UBAP2L: variants seen among roughly 807,000 people sequenced by gnomAD.
UBAP2L encodes ubiquitin associated protein 2 like.
Under a neutral mutation model 130.6 loss-of-function variants are expected in UBAP2L, and 12 were observed. That is an observed-to-expected ratio of 0.09 (90% confidence interval 0.06 to 0.15). The LOEUF (loss-of-function observed/expected upper bound fraction) is 0.15. UBAP2L is among the 10% of genes least tolerant of loss of function. The pLI is 1.00. For synonymous variants in UBAP2L, 503 were observed against 524.7 expected, an observed-to-expected ratio of 0.96 and a Z score of 0.57; for missense variants, 965 against 1,332.5, an observed-to-expected ratio of 0.72 and a Z score of 4.29.
At chr1:154,258,937 T>C (rs1472196619) in intron 20 of UBAP2L, 40 bp from the exon 21 acceptor site, 1 of 1,580,546 alleles carries the variant, frequency 6.3e-7, no homozygotes, top group South Asian at 1.1e-5. Context: ...GCTAACATCA[T>C]GACCAGTTCC....
chr1:154,238,572 G>A (rs1049712310), intron 8 of UBAP2L, among the ~76,000 whole-genome samples: 2 of 152,048 alleles, frequency 1.3e-5, no homozygotes, highest in Non-Finnish European at 2.9e-5. Context: ...GAAAAACAGC[G>A]AAAGGTAGTG....
chr1:154,244,027 G>A (rs1405808230), intron 10 of UBAP2L, among the ~76,000 whole-genome samples: 3 of 152,142 alleles, frequency 2.0e-5, no homozygotes, highest in African/African-American at 7.2e-5. Context: ...TATAACAGTT[G>A]TTTTTTTCCT....
At position 154,253,888 on chromosome 1, in the gene UBAP2L, C is replaced by T. The variant is rs367693930; in HGVS notation, c.1665-12C>T. 67 of 1,612,864 alleles carry T rather than the reference C, an allele frequency of 4.2e-5. No homozygotes were observed. The highest frequency in any genetic ancestry group is 5.3e-5 in the Non-Finnish European group (63 of 1,179,758). On this transcript the variant is annotated splice_polypyrimidine_tract_variant and intron_variant, in intron 14 of 26. Coordinates refer to ENST00000428931, the MANE Select transcript of UBAP2L (RefSeq NM_014847.4). ...TTTGTTTCTCTGAGATTTTTCTCTT[C>T]GTTACTCACAGTGAATCATCCTCTA...
rs774537798 is a variant in UBAP2L, at chr1:154,261,693, C to T, written c.2898C>T (p.Asn966=). The change falls in exon 24 of 27, where the codon AAC becomes AAT. Residue 966 remains asparagine, a synonymous_variant. Transcript: ENST00000428931. ...GTGGATATGGGTCTCATGGATACAA[C>T]ACTGGTAAGCTGACCTTGTCTCTGG... ...QPSGYGSHGY[N]TGVSVTSSNT... 6.2e-7 allele frequency: 1 copy of T among 1,614,034 alleles called. No homozygotes were observed. Among genetic ancestry groups the T allele is most frequent in the Non-Finnish European group, 8.5e-7 (1 of 1,179,944 alleles).
At chr1:154,245,075 G>A (rs1170002197) in intron 10 of UBAP2L, among the ~76,000 whole-genome samples, 1 of 152,140 alleles carries the variant, frequency 6.6e-6, no homozygotes, top group African/African-American at 2.4e-5. Context: ...GGTATAGTAG[G>A]CACCCGCCAC....
At chr1:154,241,911 A>G (rs1673728376) in intron 9 of UBAP2L, 2 of 273,628 alleles carry the variant, frequency 7.3e-6, no homozygotes, top group African/African-American at 2.3e-5. Context: ...CTGGTGGTAC[A>G]TGACTACTTG....
chr1:154,255,633 T>C (rs1679368184), intron 17 of UBAP2L, 50 bp from the exon 18 acceptor site: 1 of 1,585,252 alleles, frequency 6.3e-7, no homozygotes, highest in African/African-American at 1.3e-5. Context: ...AAGCTCCAGG[T>C]CACGTAACTA....
chr1:154,260,838 C>G, intron 22 of UBAP2L, 54 bp from the exon 23 acceptor site: 1 of 1,534,932 alleles, frequency 6.5e-7, no homozygotes, highest in South Asian at 1.1e-5. Flanking sequence ...AGAGGTAATT[C>G]TGTATTGGTA....
At chr1:154,261,218 T>G in intron 23 of UBAP2L, 109 bp downstream of exon 23, 1 of 1,267,678 alleles carries the variant, frequency 7.9e-7, no homozygotes, top group Non-Finnish European at 1.1e-6. Context: ...GGAGGAACAG[T>G]TTCCACCTCT....
chr1:154,264,533 C>T (rs1682635512), intron 24 of UBAP2L, among the ~76,000 whole-genome samples: 1 of 152,184 alleles, frequency 6.6e-6, no homozygotes, highest in Non-Finnish European at 1.5e-5. Flanking sequence ...ATTATGGTTC[C>T]TGCATTCTCA....
In UBAP2L at chr1:154,227,552, T is replaced by TG. The variant is rs1446619965; in HGVS notation, c.168+193_168+194insG. Among the ~76,000 whole-genome samples, 5 of 152,028 alleles carry TG rather than the reference T, an allele frequency of 3.3e-5. No homozygotes were observed. In the East Asian group the frequency reaches 7.8e-4, roughly 24 times the overall value. ...TTTTTTGTAGCCCTTTGTTTTGTTT[T>TG]TTGTTTTTTTTTCAGATGAAGTCTC... On this transcript the variant is annotated intron_variant, in intron 3 of 26. Transcript: ENST00000428931.
chr1:154,220,659 C>A, upstream of UBAP2L: 1 of 562,566 alleles, frequency 1.8e-6, no homozygotes, highest in Non-Finnish European at 3.2e-6. Context: ...GCGTCGAGCG[C>A]TCAGACGCGG....
intron 15 of UBAP2L, 69 bp downstream of exon 15, chr1:154,254,158 GT>G: frequency 7.3e-7 from 1 of 1,366,028 alleles, no homozygotes; most frequent in Non-Finnish European, 9.7e-7. Context: ...AAATATTAGT[GT>G]TTTACTTTTC....
At chr1:154,245,452 G>GA (rs905614424) in intron 10 of UBAP2L, among the ~76,000 whole-genome samples, 1 of 152,100 alleles carries the variant, frequency 6.6e-6, no homozygotes, top group African/African-American at 2.4e-5. Context: ...AAAATTGTGG[G>GA]AAAAAATATC....
At chr1:154,220,209 T>G, upstream of UBAP2L, 1 of 1,124,502 alleles carries the variant, frequency 8.9e-7, no homozygotes, top group Non-Finnish European at 1.3e-6. Flanking sequence ...TCCCACCTAC[T>G]CCTGGAATAA....
intron 6 of UBAP2L, 58 bp downstream of exon 6, chr1:154,235,349 G>A (rs1418818536): frequency 2.9e-6 from 2 of 697,370 alleles, no homozygotes; most frequent in South Asian, 1.6e-5. Context: ...TTCATTAATG[G>A]TCTGCTTTAT....
chr1:154,255,651 A>G (rs1679377822), intron 17 of UBAP2L, 32 bp from the exon 18 acceptor site: 2 of 1,611,068 alleles, frequency 1.2e-6, no homozygotes, highest in Middle Eastern at 1.6e-4. Flanking sequence ...CTATAGCACT[A>G]TGGCTGATGG....
chr1:154,251,608 C>T lies in UBAP2L; in HGVS notation c.1619C>T (p.Ala540Val). Residue 540 changes from alanine (A) to valine (V), a missense_variant, in exon 14 of 27, where the codon GCC (alanine) becomes GTC (valine). By Grantham distance (64) the Ala-to-Val change is moderately conservative (BLOSUM62 0). This residue lies in a region of UBAP2L where 393 missense variants were observed against 408.1 expected (regional missense o/e 0.96). Coordinates refer to ENST00000428931, the MANE Select transcript of UBAP2L (RefSeq NM_014847.4). ...TATGAGTCCACCCCCACCACGAGCG[C>T]CTCTTCAAGCCAGGCTCCAAGTAGC... ...SDYESTPTTS[A>V]SSSQAPSSLY... 6.2e-7 allele frequency: 1 copy of T among 1,614,110 alleles called. No homozygotes were observed. Among genetic ancestry groups the T allele is most frequent in the Non-Finnish European group, 8.5e-7 (1 of 1,180,022 alleles).
At chr1:154,261,721 C>G (rs372565414) in intron 24 of UBAP2L, 24 bp downstream of exon 24, 2 of 1,608,238 alleles carry the variant, frequency 1.2e-6, no homozygotes, top group African/African-American at 1.3e-5. Context: ...GTCTCTGGCT[C>G]GGTGTTATCT....
Sources: gnomAD v4.1 joint callset for allele counts (sites outside exome capture counted in the v4.1 genomes callset) on GRCh38, gnomAD v4.1.1 for gene constraint, gnomAD v4.1.1 regional missense constraint, MANE v1.5 for transcripts, NCBI Gene and HGNC (gene_info 2026-07-23, HGNC 2026-07-21) for gene names.